MDN1: variants seen among roughly 807,000 people sequenced by gnomAD.
MDN1 encodes midasin AAA ATPase 1.
Under a neutral mutation model 669.2 loss-of-function variants are expected in MDN1, and 266 were observed. The observed-to-expected ratio is 0.40, with a 90% CI of 0.36 to 0.44. The LOEUF is 0.44. MDN1 is among the 20% of genes least tolerant of loss of function. The pLI, the probability that MDN1 is intolerant of heterozygous loss-of-function variation, is 1.00. For missense variants in MDN1, 5,940 were observed against 6,754.0 expected (o/e 0.88, Z 4.22); for synonymous variants, 2,385 against 2,457.1 (o/e 0.97, Z 0.87).
intron 33 of MDN1, among the ~76,000 whole-genome samples, chr6:89,736,027 ACT>A (rs1166758088): frequency 6.6e-6 from 1 of 152,192 alleles, no homozygotes; most frequent in Admixed American, 6.5e-5. Context: ...TCAAATCTTA[ACT>A]ATCTTTAAAG....
At chr6:89,678,522 C>G (rs1811387077) in intron 75 of MDN1, 77 bp downstream of exon 75, 2 of 1,520,342 alleles carry the variant, frequency 1.3e-6, no homozygotes, top group Non-Finnish European at 1.8e-6. Flanking sequence ...ATGGAATTTC[C>G]CCCAAAATCA....
rs1231123003 is a variant in MDN1 at position 89,683,465 on chromosome 6, A to T, written c.11904-135T>A. On this transcript the variant is annotated intron_variant, in intron 72 of 101. Coordinates refer to ENST00000369393, the MANE Select transcript of MDN1 (RefSeq NM_014611.3). The stretch of plus-strand genomic sequence containing the variant: ...TTTATATACAATGCTCTCCTTAAAT[A>T]TTAATAGTTGTTTTATTTTTAAGAG... The T allele has an allele frequency of 4.3e-6, 3 of 704,174 alleles. No homozygotes were observed. The African/African-American group carries it at 5.4e-5, about 13-fold the overall frequency. 43.6% of individuals were successfully genotyped at this position (704,174 alleles called of 1,614,324 possible).
intron 49 of MDN1, among the ~76,000 whole-genome samples, chr6:89,711,549 C>T (rs1437392120): frequency 6.6e-6 from 1 of 151,974 alleles, no homozygotes; most frequent in Non-Finnish European, 1.5e-5. Flanking sequence ...GTTGATGTCC[C>T]TGGGTGGGGG....
chr6:89,681,988 G>A (rs1811641584), intron 73 of MDN1, among the ~76,000 whole-genome samples: 1 of 152,056 alleles, frequency 6.6e-6, no homozygotes, highest in Non-Finnish European at 1.5e-5. Context: ...TCCAATCCTG[G>A]AGCTCCCCAC....
intron 99 of MDN1, among the ~76,000 whole-genome samples, chr6:89,647,163 G>GGAAAA (rs1808542983): frequency 6.6e-6 from 1 of 152,258 alleles, no homozygotes; most frequent in African/African-American, 2.4e-5. Context: ...ATACCCCAAA[G>GGAAAA]GAAAAGAAGT....
chr6:89,797,593 G>A lies in MDN1; in HGVS notation c.330-2792C>T, dbSNP rs184653024. On this transcript the variant is annotated intron_variant, in intron 2 of 101. Coordinates refer to ENST00000369393, the MANE Select transcript of MDN1 (RefSeq NM_014611.3). ...CCAGTACAGTAGTAGCAGTTGGACT[G>A]ATTTGCTGCCATGGGATTCGTAGGC... The A allele has an allele frequency of 3.9e-3, 1,623 of 412,606 alleles. 6 individuals carry two copies. Among genetic ancestry groups the A allele is most frequent in the Middle Eastern group, 7.6e-3 (13 of 1,704 alleles). The allele number at this position is 412,606 out of a possible 1,614,324, so 25.6% of individuals were successfully genotyped here.
intron 26 of MDN1, 30 bp from the exon 27 acceptor site, chr6:89,747,500 G>T (rs1816696216): frequency 1.3e-6 from 2 of 1,598,412 alleles, no homozygotes; most frequent in Admixed American, 1.8e-5. Flanking sequence ...AATGAAAAGG[G>T]GCATCAGCTG....
Position 89,754,219 on chromosome 6 carries a change from G to A in MDN1, c.2828C>T (p.Ala943Val), listed in dbSNP as rs769939227. The change falls in exon 21 of 102, where the codon GCT becomes GTT. Residue 943 changes from alanine to valine, a missense_variant. Ala to Val is a moderately conservative substitution (Grantham distance 64). Transcript: ENST00000369393. ...TVQGIINFYT[A>V]LRKESGTKLV... ...TTTGGTCCCAGACTCTTTCCGCAAA[G>A]CTGTGTAGAAGCTACAAATAGAATA... The A allele has an allele frequency of 8.7e-6, 14 of 1,613,684 alleles. No homozygotes were observed. In the African/African-American group the frequency reaches 1.7e-4, roughly 20 times the overall value.
intron 40 of MDN1, 60 bp downstream of exon 40, chr6:89,722,895 C>T: frequency 1.4e-6 from 2 of 1,457,398 alleles, no homozygotes; most frequent in Non-Finnish European, 1.9e-6. Context: ...TGTCCTTTCT[C>T]ACCCACAGGA....
chr6:89,712,521 C>A, intron 48 of MDN1, 54 bp downstream of exon 48: 6 of 1,547,442 alleles, frequency 3.9e-6, no homozygotes, highest in Non-Finnish European at 5.3e-6. Context: ...CCATTTCCAG[C>A]AAAAATAAAA....
At chr6:89,795,096 G>A (rs1389591637) in intron 2 of MDN1, among the ~76,000 whole-genome samples, 1 of 152,144 alleles carries the variant, frequency 6.6e-6, no homozygotes, top group Non-Finnish European at 1.5e-5. Flanking sequence ...AATGGCATGA[G>A]ATAATTCTGA....
chr6:89,772,050 G>A (rs1339483761), intron 14 of MDN1, among the ~76,000 whole-genome samples: 2 of 152,134 alleles, frequency 1.3e-5, no homozygotes, highest in Admixed American at 6.5e-5. Flanking sequence ...AATCATGAGA[G>A]CCCAGAAGTT....
chr6:89,804,982 A>C (rs1304313024), intron 1 of MDN1, among the ~76,000 whole-genome samples: 1 of 137,116 alleles, frequency 7.3e-6, no homozygotes, highest in Non-Finnish European at 1.5e-5. Context: ...GCCTGTAGTG[A>C]GCCGAGATCG....
intron 35 of MDN1, among the ~76,000 whole-genome samples, chr6:89,730,013 A>G (rs1815491177): frequency 6.6e-6 from 1 of 152,328 alleles, no homozygotes; most frequent in South Asian, 2.1e-4. Context: ...GGCATTCATC[A>G]ATCATTAACA....
chr6:89,646,423 C>A, intron 100 of MDN1, 117 bp downstream of exon 100: 1 of 827,604 alleles, frequency 1.2e-6, no homozygotes, highest in South Asian at 1.7e-5. Context: ...TATGTCTTTT[C>A]CTGTGGAGCA....
chr6:89,744,103 TAAAAAAAAAAA>T (rs576136951), intron 29 of MDN1, among the ~76,000 whole-genome samples: 84 of 36,748 alleles, frequency 2.3e-3, no homozygotes, highest in African/African-American at 6.9e-3. Context: ...AATGCCTTCT[TAAAAAAAAAAA>T]AAAAAAAAAA....
chr6:89,663,920 G>A (rs1198339541), intron 85 of MDN1, among the ~76,000 whole-genome samples: 16 of 147,862 alleles, frequency 1.1e-4, no homozygotes, highest in African/African-American at 4.0e-4. Context: ...CTAGTCTGGG[G>A]GACAGAGCGA....
chr6:89,687,402 G>A lies in MDN1; in HGVS notation c.11392C>T (p.Arg3798Trp), dbSNP rs148868949. 1.6e-4 allele frequency: 253 copies of A among 1,613,932 alleles called. 2 individuals are homozygous for A. The South Asian group carries it at 2.2e-3, about 14-fold the overall frequency. ...TGACTGATCAAATCAAGATGTTTCC[G>A]CAAAGACAAAGCTCGACTTGCATTT... Reference protein sequence around the residue: ...EENASRALSLRKHLDLISQMI... With the variant: ...EENASRALSLWKHLDLISQMI... Residue 3798 changes from arginine to tryptophan, a missense_variant, in exon 68 of 102, where the codon CGG becomes TGG. Arg to Trp is a moderately radical substitution (Grantham distance 101, BLOSUM62 -3). Around this residue, in one of 5 missense-constraint regions of MDN1, gnomAD observed 2,280 missense variants for 2,576.3 expected, o/e 0.88. Transcript: ENST00000369393.
chr6:89,722,846 C>CAAAAA, intron 40 of MDN1, 109 bp downstream of exon 40: 4 of 690,430 alleles, frequency 5.8e-6, no homozygotes, highest in Non-Finnish European at 8.3e-6. Flanking sequence ...AACCCAGTCT[C>CAAAAA]AAAAAAAAAA....
Sources: allele counts gnomAD v4.1 joint callset (sites outside exome capture counted in the v4.1 genomes callset), GRCh38; gene constraint gnomAD v4.1.1; regional missense constraint gnomAD v4.1.1; transcripts MANE v1.5; gene names NCBI Gene and HGNC (gene_info 2026-07-23, HGNC 2026-07-21).